Variants in AK9 observed in about 807,000 individuals in gnomAD.
The protein encoded by AK9 is adenylate kinase 9, also known as adenylate kinase domain containing 1.
A neutral mutation model predicts 239.6 loss-of-function variants in AK9; 191 were observed. That is an observed-to-expected ratio of 0.80 (90% CI 0.71 to 0.90). AK9 has a LOEUF of 0.90. AK9 is among the 40% of genes least tolerant of loss of function. AK9 has a pLI of 0.00. For missense variants in AK9, 1,995 were observed against 2,214.7 expected (o/e 0.90, Z 1.99); for synonymous variants, 689 against 721.0 (o/e 0.96, Z 0.71).
At chr6:109,560,637 T>C (rs1391446506) in intron 24 of AK9, among the ~76,000 whole-genome samples, 1 of 152,226 alleles carries the variant, frequency 6.6e-6, no homozygotes, top group Non-Finnish European at 1.5e-5. Flanking sequence ...TGTATTATTC[T>C]TTTTGTGTAT....
intron 17 of AK9, among the ~76,000 whole-genome samples, chr6:109,593,780 T>C (rs1790615055): frequency 6.6e-6 from 1 of 152,178 alleles, no homozygotes; most frequent in Non-Finnish European, 1.5e-5. Context: ...ATTATCTTAA[T>C]AGATGCAGAA....
intron 7 of AK9, among the ~76,000 whole-genome samples, chr6:109,658,449 A>G (rs1013292624): frequency 3.9e-5 from 6 of 152,312 alleles, no homozygotes; most frequent in African/African-American, 1.4e-4. Context: ...TAAGTGCTAT[A>G]AGGAAAATAA....
chr6:109,665,317 C>T (rs944973660), intron 5 of AK9, among the ~76,000 whole-genome samples: 1 of 152,172 alleles, frequency 6.6e-6, no homozygotes, highest in African/African-American at 2.4e-5. Flanking sequence ...CTTACATGCT[C>T]CTGCTATTGT....
chr6:109,667,240 A>C (rs1308870323), intron 5 of AK9, among the ~76,000 whole-genome samples: 2 of 151,900 alleles, frequency 1.3e-5, no homozygotes, highest in African/African-American at 4.8e-5. Flanking sequence ...AAGTGCACAT[A>C]TCTCTTCAGG....
intron 17 of AK9, among the ~76,000 whole-genome samples, chr6:109,594,120 T>A (rs2128221523): frequency 6.6e-6 from 1 of 152,280 alleles, no homozygotes; most frequent in South Asian, 2.1e-4. Flanking sequence ...AAGACCCCCA[T>A]CGTCTCAGCC....
intron 24 of AK9, among the ~76,000 whole-genome samples, chr6:109,553,341 A>G (rs1784582747): frequency 6.6e-6 from 1 of 152,074 alleles, no homozygotes; most frequent in Non-Finnish European, 1.5e-5. Flanking sequence ...ATGAGGATGG[A>G]AAGTTTTTCT....
intron 17 of AK9, among the ~76,000 whole-genome samples, chr6:109,590,318 T>G (rs1790049268): frequency 6.6e-6 from 1 of 152,188 alleles, no homozygotes; most frequent in South Asian, 2.1e-4. Flanking sequence ...TTCTAAGAAC[T>G]TATCCATTTC....
chr6:109,645,896 A>C (rs977121335), intron 8 of AK9, among the ~76,000 whole-genome samples: 1 of 152,232 alleles, frequency 6.6e-6, no homozygotes, highest in African/African-American at 2.4e-5. Context: ...CTGTTCTGCA[A>C]TATTTGATGT....
At chr6:109,622,815 T>C (rs938607125) in intron 12 of AK9, among the ~76,000 whole-genome samples, 3 of 152,012 alleles carry the variant, frequency 2.0e-5, no homozygotes, top group South Asian at 2.1e-4. Context: ...ATAGTTTCTT[T>C]AGAAAAATCC....
chr6:109,577,819 G>A (rs1175358950), intron 20 of AK9, among the ~76,000 whole-genome samples: 1 of 151,378 alleles, frequency 6.6e-6, no homozygotes, highest in Non-Finnish European at 1.5e-5. Flanking sequence ...TGTGGTATTG[G>A]CTGTAATATC....
At chr6:109,600,893 T>C (rs1282625314) in intron 17 of AK9, among the ~76,000 whole-genome samples, 2 of 152,210 alleles carry the variant, frequency 1.3e-5, no homozygotes, top group African/African-American at 4.8e-5. Flanking sequence ...TCTCTGATGG[T>C]GCTTTGTATT....
At chr6:109,493,864 ACACT>A (rs772806196) in intron 40 of AK9, 113 bp downstream of exon 40, 19 of 786,624 alleles carry the variant, frequency 2.4e-5, no homozygotes, top group South Asian at 1.9e-4. Context: ...TTTGCTACTA[ACACT>A]CTCTCTTTCT....
intron 17 of AK9, among the ~76,000 whole-genome samples, chr6:109,609,252 C>G (rs1793288311): frequency 1.3e-5 from 2 of 152,190 alleles, no homozygotes; most frequent in South Asian, 4.1e-4. Flanking sequence ...ACATGTCCCT[C>G]ACTTGCAGAT....
chr6:109,662,117 A>T (rs751143663), intron 6 of AK9, among the ~76,000 whole-genome samples: 3 of 152,208 alleles, frequency 2.0e-5, no homozygotes, highest in Non-Finnish European at 4.4e-5. Context: ...CCTTCAAGTA[A>T]GACAGAGTCT....
chr6:109,662,669 A>C lies in AK9; in HGVS notation c.332-6T>G, dbSNP rs1800590690. Reference sequence around the variant, plus strand: ...TATTTCAGTGATAATATAACCTGTAAAGTAAAATATAATTTTAAAACTTTT... The same window carrying C: ...TATTTCAGTGATAATATAACCTGTACAGTAAAATATAATTTTAAAACTTTT... On this transcript the variant is annotated splice_region_variant and splice_polypyrimidine_tract_variant and intron_variant, in intron 5 of 40. Coordinates refer to ENST00000424296, the MANE Select transcript of AK9 (RefSeq NM_001145128.3). 6.9e-7 allele frequency: 1 copy of C among 1,450,724 alleles called. No individual in the cohort carries two copies. Among genetic ancestry groups the C allele is most frequent in the Non-Finnish European group, 9.2e-7 (1 of 1,091,410 alleles). The allele number at this position is 1,450,724 out of a possible 1,614,324, so 89.9% of individuals were successfully genotyped here.
intron 21 of AK9, among the ~76,000 whole-genome samples, chr6:109,568,074 T>C (rs1786849299): frequency 6.6e-6 from 1 of 152,006 alleles, no homozygotes; most frequent in South Asian, 2.1e-4. Flanking sequence ...AAAAAGCTTA[T>C]CCACCACGAT....
At position 109,650,592 on chromosome 6, in the gene AK9, A is replaced by G. The variant is rs1798782512; in HGVS notation, c.760-5904T>C. Among the ~76,000 whole-genome samples the G allele has an allele frequency of 2.6e-5, 4 of 152,178 alleles. No homozygotes were observed. In the East Asian group the frequency reaches 5.8e-4, roughly 22 times the overall value. Reference sequence around the variant, plus strand: ...AAAGTCAGGAAACAACAGGTGATGGAGAGGATGTGGAGAAATAGGAACACT... The same window carrying G: ...AAAGTCAGGAAACAACAGGTGATGGGGAGGATGTGGAGAAATAGGAACACT... On this transcript the variant is annotated intron_variant, in intron 8 of 40. Transcript: ENST00000424296.
intron 27 of AK9, among the ~76,000 whole-genome samples, chr6:109,540,066 A>G (rs1782650666): frequency 6.6e-6 from 1 of 152,042 alleles, no homozygotes; most frequent in Non-Finnish European, 1.5e-5. Context: ...CCACTTGAGG[A>G]GGCAGTCTGT....
intron 18 of AK9, among the ~76,000 whole-genome samples, 199 bp from the exon 19 acceptor site, chr6:109,585,436 C>G (rs1427321707): frequency 2.0e-5 from 3 of 152,030 alleles, no homozygotes; most frequent in African/African-American, 7.2e-5. Context: ...TGTATGAATA[C>G]AGTAGAAATA....
Sources: allele counts gnomAD v4.1 joint callset (sites outside exome capture counted in the v4.1 genomes callset), GRCh38; gene constraint gnomAD v4.1.1; transcripts MANE v1.5; gene names NCBI Gene and HGNC (gene_info 2026-07-23, HGNC 2026-07-21).